The following NUMA1 variants were observed in gnomAD, a reference collection of about 807,000 sequenced individuals.
NUMA1 encodes nuclear mitotic apparatus protein 1.
Under a neutral mutation model 237.1 loss-of-function variants are expected in NUMA1, and 62 were observed. That is an observed-to-expected ratio of 0.26 (90% CI 0.21 to 0.32). NUMA1 has a LOEUF of 0.32. Among genes scored for constraint, NUMA1 ranks in the 10% least tolerant of loss-of-function variants. The pLI, the probability that NUMA1 is intolerant of heterozygous loss-of-function variation, is 1.00. For missense variants in NUMA1, 2,533 were observed against 2,666.5 expected (o/e 0.95, Z 1.10); for synonymous variants, 1,028 against 1,066.1 (o/e 0.96, Z 0.70).
In NUMA1 at chr11:72,007,242, T is replaced by A; in HGVS notation, c.5410A>T (p.Thr1804Ser). ...GDVFLDSGRK[T>S]RSARRRTTQI... ...GTGGTGCGCCGACGAGCGGAGCGGG[T>A]CTTACGACCCGAGTCCAGGAAGACG... The change falls in exon 21 of 27, where the codon ACC becomes TCC. Residue 1804 changes from threonine (T) to serine (S), a missense_variant. This residue lies in a region of NUMA1 where 795 missense variants were observed against 750.8 expected (regional missense o/e 1.06). Transcript: ENST00000393695. The A allele has an allele frequency of 8.1e-6, 13 of 1,611,990 alleles. No individual in the cohort carries two copies. The highest frequency in any genetic ancestry group is 1.0e-5 in the Non-Finnish European group (12 of 1,179,494).
At position 72,015,409 on chromosome 11, in the gene NUMA1, G is replaced by A. The variant is rs1956456673; in HGVS notation, c.2094C>T (p.Asp698=). The A allele has an allele frequency of 8.7e-6, 14 of 1,611,746 alleles. No individual in the cohort carries two copies. Among genetic ancestry groups the A allele is most frequent in the Admixed American group, 5.0e-5 (3 of 60,002 alleles). The change falls in exon 15 of 27, where the codon GAC becomes GAT. Residue 698 remains aspartate (D), a synonymous_variant. Coordinates refer to ENST00000393695, the MANE Select transcript of NUMA1 (RefSeq NM_006185.4). The surrounding 1 kb of genome is among the most constrained non-coding windows in gnomAD (Gnocchi z 4.0). ...GGGCCTGGAGCTGCTCCTGGAGCTG[G>A]TCCTTCTCCTGGGCCACCCTTTCTT... is the stretch of plus-strand genomic sequence containing the variant. ...TEKERVAQEK[D]QLQEQLQALK...
chr11:72,050,729 T>A (rs2136020604), intron 2 of NUMA1: 1 of 152,302 alleles, frequency 6.6e-6, no homozygotes, highest in Middle Eastern at 3.4e-3. Flanking sequence ...AATCCAGTGC[T>A]CTCTCCAGCA....
chr11:72,048,663 G>A (rs974355964), intron 2 of NUMA1, among the ~76,000 whole-genome samples: 1 of 152,154 alleles, frequency 6.6e-6, no homozygotes, highest in Admixed American at 6.5e-5. Context: ...GTGAGCCACC[G>A]TGCCAGGCCG....
chr11:72,018,020 G>T, intron 12 of NUMA1, 163 bp downstream of exon 12: 1 of 938,618 alleles, frequency 1.1e-6, no homozygotes, highest in East Asian at 2.5e-5. Flanking sequence ...TACCCGGGAA[G>T]CCGCCAATTA....
chr11:72,014,710 T>C lies in NUMA1; in HGVS notation c.2793A>G (p.Glu931=). 1 of 1,613,960 alleles carries C rather than the reference T, an allele frequency of 6.2e-7. No homozygotes were observed. Among genetic ancestry groups the C allele is most frequent in the Non-Finnish European group, 8.5e-7 (1 of 1,180,030 alleles). Residue 931 remains glutamate (E), a synonymous_variant, in exon 15 of 27, where the codon GAA becomes GAG. Transcript: ENST00000393695. This position sits in a 1 kb window ranked among gnomAD's most constrained non-coding sequence, Gnocchi z 4.6. ...CCTTGACTAACTCCCGGGAGGCTGT[T>C]TCCTGCTGCTCACCTGCCTTGCGCA... ...TLVRKAGEQQ[E]TASRELVKEP...
At chr11:72,010,575 G>C (rs1401046051) in intron 17 of NUMA1, among the ~76,000 whole-genome samples, 1 of 152,238 alleles carries the variant, frequency 6.6e-6, no homozygotes, top group Non-Finnish European at 1.5e-5. Context: ...GAAGTGGACA[G>C]TGACAGTTGA....
chr11:72,011,730 G>A (rs912749365), intron 16 of NUMA1, among the ~76,000 whole-genome samples: 6 of 152,050 alleles, frequency 3.9e-5, no homozygotes, highest in South Asian at 2.1e-4. Context: ...CTATAGCCTC[G>A]ATGTCTCAGG....
chr11:72,067,368 A>G (rs775208997), intron 2 of NUMA1: 1 of 152,230 alleles, frequency 6.6e-6, no homozygotes, highest in East Asian at 1.9e-4. Flanking sequence ...CTTGAAATTA[A>G]TAACAGCAGG....
chr11:72,003,626 G>T (rs373124025), intron 26 of NUMA1, 88 bp from the exon 27 acceptor site: 112 of 1,533,286 alleles, frequency 7.3e-5, no homozygotes, highest in Middle Eastern at 1.7e-4. Context: ...CTGCTCCCAC[G>T]CCCCTGTCTG....
rs373762159 is a variant in NUMA1 at position 72,077,796 on chromosome 11, A to G, written c.-103+2662T>C. 1.5e-4 allele frequency among the ~76,000 whole-genome samples: 22 copies of G among 147,404 alleles called. No individual in the cohort carries two copies. The East Asian group carries it at 2.6e-3, about 17-fold the overall frequency. Reference sequence around the variant, plus strand: ...GCCACTGCACTCCAGCCTGGGCAACAGAGTGAGACTCCATCTCAAAAAAAA... The same window carrying G: ...GCCACTGCACTCCAGCCTGGGCAACGGAGTGAGACTCCATCTCAAAAAAAA... On this transcript the variant is annotated intron_variant, in intron 1 of 26. Transcript: ENST00000393695.
chr11:72,016,006 C>A lies in NUMA1; in HGVS notation c.1497G>T (p.Gln499His). Residue 499 changes from glutamine to histidine, a missense_variant, in exon 15 of 27, where the codon CAG becomes CAT. Coordinates refer to ENST00000393695, the MANE Select transcript of NUMA1 (RefSeq NM_006185.4). ...SQAHGARLTA[Q>H]VASLTSELTT... ...TGAGCTCAGAGGTCAGAGAGGCCAC[C>A]TGGGCAGTCAACCGGGCCCCATGAG... The A allele has an allele frequency of 6.2e-7, 1 of 1,614,016 alleles. No homozygotes were observed. The highest frequency in any genetic ancestry group is 1.1e-5 in the South Asian group (1 of 91,082).
At chr11:72,063,640 G>A (rs1249050696) in intron 2 of NUMA1, among the ~76,000 whole-genome samples, 1 of 150,012 alleles carries the variant, frequency 6.7e-6, no homozygotes, top group Non-Finnish European at 1.5e-5. Flanking sequence ...AAGCTGGCTG[G>A]GTACAATGGT....
Position 72,021,237 on chromosome 11 carries a change from G to T in NUMA1, c.427C>A (p.Leu143Ile). The change falls in exon 8 of 27, where the codon CTT (leucine) becomes ATT (isoleucine). Residue 143 changes from leucine to isoleucine, a missense_variant. Coordinates refer to ENST00000393695, the MANE Select transcript of NUMA1 (RefSeq NM_006185.4). ...FVLDHEDGLN[L>I]NEDLENFLQK... is the part of the protein sequence containing the mutation. Reference sequence around the variant, plus strand: ...AGGAAGTTCTCTAGGTCCTCATTAAGGTTTAGCCCGTCCTCATGGTCCAGC... The same window carrying T: ...AGGAAGTTCTCTAGGTCCTCATTAATGTTTAGCCCGTCCTCATGGTCCAGC... 1.9e-6 allele frequency: 3 copies of T among 1,614,188 alleles called. No individual in the cohort carries two copies. Among genetic ancestry groups the T allele is most frequent in the Non-Finnish European group, 1.7e-6 (2 of 1,180,006 alleles).
Position 72,018,167 on chromosome 11 carries a change from C to T in NUMA1, c.978+16G>A. On this transcript the variant is annotated intron_variant, in intron 12 of 26. Coordinates refer to ENST00000393695, the MANE Select transcript of NUMA1 (RefSeq NM_006185.4). ...GCCCTGAGGGGCCTCCATGCACACACCACCTTAACACCCACCTTAAAGGAA... is the reference window on the plus strand; with the variant it reads ...GCCCTGAGGGGCCTCCATGCACACATCACCTTAACACCCACCTTAAAGGAA... The T allele has an allele frequency of 6.3e-7, 1 of 1,586,924 alleles. No homozygotes were observed. The highest frequency in any genetic ancestry group is 8.7e-7 in the Non-Finnish European group (1 of 1,155,080).
At position 72,017,767 on chromosome 11, in the gene NUMA1, C is replaced by A; in HGVS notation, c.1039G>T (p.Glu347Ter). Residue 347 changes from glutamate (E) to a stop codon, truncating the protein, a stop_gained, in exon 13 of 27, where the codon GAG becomes TAG. Coordinates refer to ENST00000393695, the MANE Select transcript of NUMA1 (RefSeq NM_006185.4). LOFTEE classifies it high-confidence loss of function. The stretch of plus-strand genomic sequence containing the variant: ...CACTCCTGAGTGGCCTTGCTGTGCT[C>A]CTCCGTCAGCTCATTGAGGGCATCC... ...LQDALNELTEEHSKATQEWLE... is the reference protein window; with the variant it reads ...LQDALNELTE 6.2e-7 allele frequency: 1 copy of A among 1,613,136 alleles called. No homozygotes were observed.
At chr11:72,061,734 T>C (rs541129235) in intron 2 of NUMA1, among the ~76,000 whole-genome samples, 1 of 152,182 alleles carries the variant, frequency 6.6e-6, no homozygotes, top group Admixed American at 6.6e-5. Context: ...CAAGTAATCC[T>C]GCCTCTGCCT....
chr11:72,037,899 C>A (rs2135764318), intron 2 of NUMA1, among the ~76,000 whole-genome samples: 1 of 152,272 alleles, frequency 6.6e-6, no homozygotes, highest in African/African-American at 2.4e-5. Context: ...GATTATGTAG[C>A]CCTTGAGGCC....
chr11:72,061,915 A>G (rs1185823444), intron 2 of NUMA1, among the ~76,000 whole-genome samples: 1 of 151,996 alleles, frequency 6.6e-6, no homozygotes, highest in African/African-American at 2.4e-5. Context: ...ACCCCCAACA[A>G]ACACACATAC....
intron 2 of NUMA1, chr11:72,048,057 T>C (rs1411358257): frequency 1.3e-5 from 2 of 152,164 alleles, no homozygotes; most frequent in African/African-American, 2.4e-5. Flanking sequence ...GATCTAGTCA[T>C]GTAAGTAGTA....
Sources: gnomAD v4.1 joint callset for allele counts (sites outside exome capture counted in the v4.1 genomes callset) on GRCh38, gnomAD v4.1.1 for gene constraint, gnomAD v4.1.1 regional missense constraint, Gnocchi (gnomAD v3.1) non-coding constraint, MANE v1.5 for transcripts, NCBI Gene and HGNC (gene_info 2026-07-23, HGNC 2026-07-21) for gene names.